Variants in ADAMTS9 observed in about 807,000 individuals in gnomAD.
ADAMTS9 encodes A disintegrin and metalloproteinase with thrombospondin motifs 9.
In ADAMTS9, 107 loss-of-function variants were observed where a neutral mutation model predicts 257.1. That is an observed-to-expected ratio of 0.42 (90% CI 0.36 to 0.49). The LOEUF (loss-of-function observed/expected upper bound fraction) is 0.49, where lower values mean the gene tolerates loss of function less well. Ranked by LOEUF, ADAMTS9 falls within the 20% of genes least tolerant of loss-of-function variation. The pLI, the probability that ADAMTS9 is intolerant of heterozygous loss-of-function variation, is 0.03. For missense variants in ADAMTS9, 2,353 were observed against 2,469.1 expected (o/e 0.95, Z 1.00); for synonymous variants, 982 against 880.9 (o/e 1.11, Z -2.03).
chr3:64,645,466 A>G (rs901365973), intron 11 of ADAMTS9, among the ~76,000 whole-genome samples: 1 of 152,212 alleles, frequency 6.6e-6, no homozygotes, highest in Non-Finnish European at 1.5e-5. Flanking sequence ...AACAGAAAGA[A>G]GAAAAAGAAA....
chr3:64,525,115 CA>C (rs1251065729), intron 38 of ADAMTS9, among the ~76,000 whole-genome samples: 1 of 152,126 alleles, frequency 6.6e-6, no homozygotes, highest in Non-Finnish European at 1.5e-5. Context: ...ATGACAAGAC[CA>C]ATACCTTGTT....
chr3:64,594,005 T>C (rs988169559), intron 28 of ADAMTS9, among the ~76,000 whole-genome samples: 17 of 132,440 alleles, frequency 1.3e-4, no homozygotes, highest in African/African-American at 4.3e-4. Context: ...GTGTGTGTAT[T>C]TAGGCTAAGA....
chr3:64,516,904 A>G lies in ADAMTS9; in HGVS notation c.*223T>C, dbSNP rs941177410. 6.6e-6 allele frequency: 1 copy of G among 152,632 alleles called. No homozygotes were observed. Among genetic ancestry groups the G allele is most frequent in the Non-Finnish European group, 1.5e-5 (1 of 68,046 alleles). The allele number at this position is 152,632 out of a possible 1,614,324, so 9.5% of individuals were successfully genotyped here. A position where few individuals can be genotyped will look rare whatever the true frequency, so the allele number is the denominator to read the frequency against. The stretch of plus-strand genomic sequence containing the variant: ...AAATAATTTCAAACATAAATATTAA[A>G]CTTTACATCATTAGGATAGTCTACA... On this transcript the variant is annotated 3_prime_UTR_variant, in exon 40 of 40. Coordinates refer to ENST00000498707, the MANE Select transcript of ADAMTS9 (RefSeq NM_182920.2).
chr3:64,606,813 C>A, intron 23 of ADAMTS9, 147 bp downstream of exon 23: 1 of 934,224 alleles, frequency 1.1e-6, no homozygotes, highest in Non-Finnish European at 1.6e-6. Context: ...ATAAATGTAA[C>A]ATACAGGTAA....
At chr3:64,593,393 A>G (rs951632312) in intron 28 of ADAMTS9, among the ~76,000 whole-genome samples, 4 of 152,188 alleles carry the variant, frequency 2.6e-5, no homozygotes, top group Non-Finnish European at 5.9e-5. Context: ...TACAATACTA[A>G]ATTCAGCTTC....
intron 23 of ADAMTS9, 114 bp downstream of exon 23, chr3:64,606,846 G>C: frequency 1.2e-5 from 16 of 1,284,010 alleles, no homozygotes; most frequent in Non-Finnish European, 1.5e-5. Flanking sequence ...TAATCTACTG[G>C]TTGCTCTACT....
Position 64,541,626 on chromosome 3 carries a change from A to G in ADAMTS9, c.5198-6T>C, listed in dbSNP as rs200699376. 1 of 1,610,810 alleles carries G rather than the reference A, an allele frequency of 6.2e-7. No homozygotes were observed. Among genetic ancestry groups the G allele is most frequent in the Non-Finnish European group, 8.5e-7 (1 of 1,177,186 alleles). ...GCAATTCTGGGGTAACTCACCTAGA[A>G]AACACCAATCACAAAAAATAGGGTG... On this transcript the variant is annotated splice_polypyrimidine_tract_variant and splice_region_variant and intron_variant, in intron 33 of 39. Transcript: ENST00000498707.
chr3:64,574,559 CA>C (rs34194727), intron 28 of ADAMTS9, among the ~76,000 whole-genome samples: 144 of 80,740 alleles, frequency 1.8e-3, no homozygotes, highest in Admixed American at 2.3e-3. Flanking sequence ...CCCATCTCTA[CA>C]AAAAAAAAAA....
rs1201050200 is a variant in ADAMTS9, at chr3:64,631,642, A to C, written c.2294-92T>G. 2.4e-6 allele frequency: 3 copies of C among 1,254,340 alleles called. No homozygotes were observed. In the Admixed American group the frequency reaches 5.2e-5, roughly 22 times the overall value. 77.7% of individuals were successfully genotyped at this position (1,254,340 alleles called of 1,614,324 possible). On this transcript the variant is annotated intron_variant, in intron 15 of 39. Transcript: ENST00000498707. ...AAAGTGGACAACAAAGGAATAGAATATAATTCTCATATAATTCTATTAGGT... is the reference window on the plus strand; with the variant it reads ...AAAGTGGACAACAAAGGAATAGAATCTAATTCTCATATAATTCTATTAGGT...
At chr3:64,644,294 C>G (rs1349504528) in intron 11 of ADAMTS9, among the ~76,000 whole-genome samples, 1 of 152,130 alleles carries the variant, frequency 6.6e-6, no homozygotes, top group African/African-American at 2.4e-5. Context: ...GAGTTGATGC[C>G]AAACATCACA....
At chr3:64,627,629 A>C (rs1185775716) in intron 16 of ADAMTS9, among the ~76,000 whole-genome samples, 3 of 152,170 alleles carry the variant, frequency 2.0e-5, no homozygotes, top group African/African-American at 7.2e-5. Flanking sequence ...TTTGTGAAAC[A>C]AATAGTTTCC....
chr3:64,604,445 C>T (rs1404367740), intron 23 of ADAMTS9, 114 bp from the exon 24 acceptor site: 1 of 712,946 alleles, frequency 1.4e-6, no homozygotes, highest in Non-Finnish European at 2.2e-6. Context: ...CTTCAGATTT[C>T]TGTGTGAATC....
intron 30 of ADAMTS9, 54 bp from the exon 31 acceptor site, chr3:64,551,116 A>G (rs574618439): frequency 2.5e-6 from 4 of 1,573,204 alleles, no homozygotes; most frequent in Admixed American, 1.7e-5. Flanking sequence ...ATATCCTATG[A>G]CTGTAATTAT....
intron 29 of ADAMTS9, among the ~76,000 whole-genome samples, chr3:64,567,280 A>G (rs2083568055): frequency 6.6e-6 from 1 of 152,164 alleles, no homozygotes; most frequent in African/African-American, 2.4e-5. Flanking sequence ...CTCTGGAAGA[A>G]TCCATGCTAG....
At chr3:64,620,743 T>A (rs1305139743) in intron 19 of ADAMTS9, among the ~76,000 whole-genome samples, 1 of 152,116 alleles carries the variant, frequency 6.6e-6, no homozygotes, top group African/African-American at 2.4e-5. Context: ...TAGATATAGG[T>A]CATTATGGGT....
intron 12 of ADAMTS9, among the ~76,000 whole-genome samples, chr3:64,635,460 GT>G (rs767002277): frequency 2.6e-5 from 4 of 152,242 alleles, no homozygotes; most frequent in Non-Finnish European, 5.9e-5. Flanking sequence ...ATCTAGGGAT[GT>G]AAAATGGCAC....
rs547979831 is a variant in ADAMTS9 at position 64,655,686 on chromosome 3, C to A, written c.1059G>T (p.Gly353=). 2.5e-5 allele frequency: 40 copies of A among 1,613,314 alleles called. No individual in the cohort carries two copies. The East Asian group carries it at 8.5e-4, about 34-fold the overall frequency. The change falls in exon 6 of 40, where the codon GGG becomes GGT. Residue 353 remains glycine (G), a synonymous_variant. Transcript: ENST00000498707. ...NLIVIHNEQD[G]PSISFNAQTT... The stretch of plus-strand genomic sequence containing the variant: ...TCTGAGCATTAAAAGATATGGAAGG[C>A]CCATCCTAAATACAGAGAAGAATTA...
chr3:64,561,674 C>T lies in ADAMTS9; in HGVS notation c.4602G>A (p.Glu1534=), dbSNP rs768061654. 6.2e-7 allele frequency: 1 copy of T among 1,614,008 alleles called. No individual in the cohort carries two copies. The highest frequency in any genetic ancestry group is 8.5e-7 in the Non-Finnish European group (1 of 1,179,994). Residue 1534 remains glutamate, a synonymous_variant, in exon 30 of 40, where the codon GAG becomes GAA. Coordinates refer to ENST00000498707, the MANE Select transcript of ADAMTS9 (RefSeq NM_182920.2). ...CQIGTHKIAR[E]TECNPYTRPE... ...GTCTGGTGTATGGGTTGCACTCGGT[C>T]TCTCTGGCTATTTTGTGTGTTCCGA...
intron 16 of ADAMTS9, 21 bp downstream of exon 16, chr3:64,631,434 T>C: frequency 6.3e-7 from 1 of 1,595,140 alleles, no homozygotes; most frequent in Non-Finnish European, 8.6e-7. Context: ...AACTCGCAAG[T>C]AGTGAGGCAT....
Sources: gnomAD v4.1 joint callset for allele counts (sites outside exome capture counted in the v4.1 genomes callset) on GRCh38, gnomAD v4.1.1 for gene constraint, MANE v1.5 for transcripts, NCBI Gene and HGNC (gene_info 2026-07-23, HGNC 2026-07-21) for gene names.